The following EBF1 variants were observed in gnomAD, a reference collection of about 807,000 sequenced individuals.
The protein encoded by EBF1 is EBF transcription factor 1, also known as transcription factor COE1.
Under a neutral mutation model 68.4 loss-of-function variants are expected in EBF1, and 10 were observed. The ratio of observed to expected loss-of-function variants is 0.15; its 90% CI spans 0.09 to 0.25. The LOEUF is 0.25. Ranked by LOEUF, EBF1 falls within the 10% of genes least tolerant of loss-of-function variation. EBF1 has a pLI of 1.00. For missense variants in EBF1, 509 were observed against 794.4 expected (o/e 0.64, Z 4.32); for synonymous variants, 298 against 299.8 (o/e 0.99, Z 0.06).
chr5:159,040,721 G>A (rs1341978750), intron 6 of EBF1, among the ~76,000 whole-genome samples: 12 of 152,216 alleles, frequency 7.9e-5, no homozygotes. Flanking sequence ...ACTGTAAAAT[G>A]TTTTATTTTA....
chr5:158,884,963 C>A (rs771824692), intron 6 of EBF1, among the ~76,000 whole-genome samples: 3 of 152,164 alleles, frequency 2.0e-5, no homozygotes, highest in Non-Finnish European at 4.4e-5. Flanking sequence ...CATTCATACC[C>A]AGAGCTTCTG....
intron 10 of EBF1, among the ~76,000 whole-genome samples, chr5:158,742,307 C>T (rs923249202): frequency 6.6e-6 from 1 of 152,242 alleles, no homozygotes; most frequent in Admixed American, 6.5e-5. Context: ...TTTGTCCCAA[C>T]CGTCCTGGAG....
chr5:159,089,501 A>C (rs1746380757), intron 4 of EBF1, among the ~76,000 whole-genome samples: 1 of 152,186 alleles, frequency 6.6e-6, no homozygotes, highest in African/African-American at 2.4e-5. Flanking sequence ...ACACAGTAAA[A>C]TGAAAAAATA....
intron 10 of EBF1, among the ~76,000 whole-genome samples, chr5:158,753,418 G>A (rs1022466908): frequency 6.6e-6 from 1 of 152,052 alleles, no homozygotes; most frequent in African/African-American, 2.4e-5. Flanking sequence ...ACTTTTAGTG[G>A]AAAGAAATTC....
At chr5:158,701,281 G>C (rs1480400069) in intron 15 of EBF1, among the ~76,000 whole-genome samples, 2 of 151,768 alleles carry the variant, frequency 1.3e-5, no homozygotes, top group East Asian at 3.9e-4. Context: ...CAAAGCAAAG[G>C]AAAAAGCTAA....
chr5:158,772,769 A>G (rs180678994), intron 10 of EBF1, among the ~76,000 whole-genome samples: 42 of 152,288 alleles, frequency 2.8e-4, no homozygotes, highest in Admixed American at 2.7e-3. Context: ...TACTCCTGGT[A>G]GGGACTCAGA....
intron 6 of EBF1, among the ~76,000 whole-genome samples, chr5:158,995,614 A>C (rs1401233302): frequency 2.6e-5 from 4 of 152,144 alleles, no homozygotes; most frequent in African/African-American, 9.7e-5. Context: ...TGACTCCAGG[A>C]TCTGCCATTT....
chr5:158,876,357 C>G (rs2128076369), intron 6 of EBF1, among the ~76,000 whole-genome samples: 1 of 152,212 alleles, frequency 6.6e-6, no homozygotes, highest in East Asian at 1.9e-4. Flanking sequence ...CCCTCAATCC[C>G]ACGACCCCTT....
chr5:158,956,617 G>T (rs1381089641), intron 6 of EBF1, among the ~76,000 whole-genome samples: 1 of 151,920 alleles, frequency 6.6e-6, no homozygotes, highest in African/African-American at 2.4e-5. Flanking sequence ...CTTTGAGAAA[G>T]ACATACTTAC....
intron 6 of EBF1, among the ~76,000 whole-genome samples, chr5:159,052,406 T>C (rs1773932083): frequency 6.6e-6 from 1 of 151,978 alleles, no homozygotes; most frequent in Middle Eastern, 3.4e-3. Context: ...TACCAGATTC[T>C]GTATTAAAAG....
intron 15 of EBF1, among the ~76,000 whole-genome samples, chr5:158,705,779 C>T (rs534562646): frequency 6.6e-6 from 1 of 152,294 alleles, no homozygotes; most frequent in African/African-American, 2.4e-5. Flanking sequence ...GAGAAGACAT[C>T]GGGCCTCCTG....
At chr5:158,815,258 G>T (rs1397032114) in intron 8 of EBF1, among the ~76,000 whole-genome samples, 2 of 152,066 alleles carry the variant, frequency 1.3e-5, no homozygotes, top group African/African-American at 4.8e-5. Context: ...GTCATAGTAG[G>T]GCTCAGGGAA....
chr5:158,843,631 C>A (rs747011524), intron 6 of EBF1, among the ~76,000 whole-genome samples: 1 of 152,156 alleles, frequency 6.6e-6, no homozygotes, highest in Non-Finnish European at 1.5e-5. Context: ...CTCACACAAG[C>A]CCTTATGTGG....
intron 9 of EBF1, among the ~76,000 whole-genome samples, chr5:158,786,214 T>C (rs1410590133): frequency 6.6e-6 from 1 of 152,126 alleles, no homozygotes; most frequent in Non-Finnish European, 1.5e-5. Context: ...GGTATCCTCA[T>C]TAAGCATTCA....
intron 6 of EBF1, among the ~76,000 whole-genome samples, chr5:159,051,473 C>T (rs1584273899): frequency 7.0e-6 from 1 of 142,364 alleles, no homozygotes; most frequent in Non-Finnish European, 1.5e-5. Context: ...TGACGGCTCC[C>T]GCTCCACATG....
At chr5:158,745,079 T>C (rs116041057) in intron 10 of EBF1, among the ~76,000 whole-genome samples, 1 of 152,202 alleles carries the variant, frequency 6.6e-6, no homozygotes. Flanking sequence ...TAGAATTTAA[T>C]CTTCCCCTTT....
intron 6 of EBF1, among the ~76,000 whole-genome samples, chr5:158,862,019 A>G (rs1795042747): frequency 6.6e-6 from 1 of 152,178 alleles, no homozygotes; most frequent in African/African-American, 2.4e-5. Flanking sequence ...ACATTTCATC[A>G]TATACAGTAG....
chr5:158,845,004 A>G (rs1282221379), intron 6 of EBF1, among the ~76,000 whole-genome samples: 1 of 152,194 alleles, frequency 6.6e-6, no homozygotes, highest in African/African-American at 2.4e-5. Flanking sequence ...GGACTCCCCC[A>G]AAAGGAAAAT....
chr5:158,712,941 G>T, intron 13 of EBF1, 29 bp downstream of exon 13: 4 of 1,404,646 alleles, frequency 2.8e-6, no homozygotes, highest in South Asian at 1.9e-5. Flanking sequence ...CTTAAGGTTG[G>T]GGAGGGAAGA....
Sources: allele counts gnomAD v4.1 joint callset (sites outside exome capture counted in the v4.1 genomes callset), GRCh38; gene constraint gnomAD v4.1.1; transcripts MANE v1.5; gene names NCBI Gene and HGNC (gene_info 2026-07-23, HGNC 2026-07-21).